The following POLR3F variants were observed in gnomAD, a reference collection of about 807,000 sequenced individuals.
POLR3F encodes the protein RNA polymerase III subunit F.
POLR3F carries 31 observed loss-of-function variants against 43.6 expected under a neutral mutation model. The observed-to-expected ratio is 0.71, with a 90% confidence interval of 0.53 to 0.96. The LOEUF (loss-of-function observed/expected upper bound fraction) is 0.96. POLR3F is among the 40% of genes least tolerant of loss of function. POLR3F has a pLI of 0.00. For missense variants in POLR3F, 316 were observed against 391.7 expected, an observed-to-expected ratio of 0.81 and a Z score of 1.63; for synonymous variants, 114 against 132.5, an observed-to-expected ratio of 0.86 and a Z score of 0.96.
rs751762877 is a variant in POLR3F at position 18,467,421 on chromosome 20, A to C, written c.-86A>C. ...GGCCCCTCGGCCTCAGCAGAGCGCT[A>C]TCCTCCACTGGTTCCCCGGGTTCCC... is the stretch of plus-strand genomic sequence containing the variant. On this transcript the variant is annotated 5_prime_UTR_variant, in exon 1 of 9. Transcript: ENST00000377603. The C allele has an allele frequency of 2.1e-6, 3 of 1,452,722 alleles. No homozygotes were observed. Among genetic ancestry groups the C allele is most frequent in the Non-Finnish European group, 2.9e-6 (3 of 1,034,434 alleles). 90.0% of individuals were successfully genotyped at this position (1,452,722 alleles called of 1,614,324 possible).
In POLR3F at chr20:18,484,469, C is replaced by T. The variant is rs2059827712; in HGVS notation, c.*911C>T. The T allele has an allele frequency of 4.5e-6, 1 of 223,982 alleles. No homozygotes were observed. Among genetic ancestry groups the T allele is most frequent in the Non-Finnish European group, 8.7e-6 (1 of 115,452 alleles). The allele number at this position is 223,982 out of a possible 1,614,324, so 13.9% of individuals were successfully genotyped here. A position where few individuals can be genotyped will look rare whatever the true frequency, so the allele number is the denominator to read the frequency against. On this transcript the variant is annotated 3_prime_UTR_variant, in exon 9 of 9. Coordinates refer to ENST00000377603, the MANE Select transcript of POLR3F (RefSeq NM_006466.4). ...CAGCGCTCATGAATGGGATTAGTGC[C>T]CTTATATAAAGAGACCCAGAGAGCT...
chr20:18,480,185 A>G lies in POLR3F; in HGVS notation c.573+4A>G. 4 of 1,608,462 alleles carry G rather than the reference A, an allele frequency of 2.5e-6. No homozygotes were observed. The highest frequency in any genetic ancestry group is 3.4e-6 in the Non-Finnish European group (4 of 1,176,480). On this transcript the variant is annotated splice_donor_region_variant and intron_variant, in intron 6 of 8. Coordinates refer to ENST00000377603, the MANE Select transcript of POLR3F (RefSeq NM_006466.4). ...TTTTAAATTCCTACAGTCCAAGGTG[A>G]GGTATGATTGAGGAAACATCACTGC...
chr20:18,483,212 C>A (rs1302284852), intron 8 of POLR3F, among the ~76,000 whole-genome samples: 1 of 152,062 alleles, frequency 6.6e-6, no homozygotes, highest in Non-Finnish European at 1.5e-5. Flanking sequence ...TTACAGGTGC[C>A]TGCCACCACG....
chr20:18,480,286 A>G, intron 6 of POLR3F, 105 bp downstream of exon 6: 1 of 1,335,738 alleles, frequency 7.5e-7, no homozygotes, highest in Non-Finnish European at 1.1e-6. Context: ...AAAACCTGAA[A>G]TTGGGAATTT....
intron 1 of POLR3F, among the ~76,000 whole-genome samples, chr20:18,468,219 G>A (rs1338049495): frequency 6.6e-6 from 1 of 152,188 alleles, no homozygotes; most frequent in Non-Finnish European, 1.5e-5. Context: ...TGGGACTACA[G>A]GCTCGCGCCA....
rs1336616541 is a variant in POLR3F, at chr20:18,480,449, T to C, written c.621T>C (p.Asn207=). 6.2e-7 allele frequency: 1 copy of C among 1,612,746 alleles called. No homozygotes were observed. Among genetic ancestry groups the C allele is most frequent in the South Asian group, 1.1e-5 (1 of 91,026 alleles). Residue 207 remains asparagine (N), a synonymous_variant, in exon 7 of 9, where the codon AAT becomes AAC. Coordinates refer to ENST00000377603, the MANE Select transcript of POLR3F (RefSeq NM_006466.4). ...AACAGAACCCAATGATACAAAGAAATAGTTCATTTGCCTCATCACATGAAG... is the reference window on the plus strand; with the variant it reads ...AACAGAACCCAATGATACAAAGAAACAGTTCATTTGCCTCATCACATGAAG... ...ESKQNPMIQR[N]SSFASSHEVW... is the part of the protein sequence containing the mutation.
At chr20:18,478,880 T>C (rs893670628) in intron 5 of POLR3F, among the ~76,000 whole-genome samples, 2 of 152,094 alleles carry the variant, frequency 1.3e-5, no homozygotes, top group Non-Finnish European at 2.9e-5. Flanking sequence ...GGGTGGTTCA[T>C]GCCTGTAATC....
chr20:18,476,893 G>A (rs556545274), intron 5 of POLR3F, among the ~76,000 whole-genome samples: 36 of 152,204 alleles, frequency 2.4e-4, no homozygotes, highest in African/African-American at 8.2e-4. Flanking sequence ...TCACCAACAT[G>A]GTGAAACCCT....
Position 18,480,138 on chromosome 20 carries a change from TAG to T in POLR3F, c.533_534del (p.Glu178GlyfsTer3), listed in dbSNP as rs1326445623. On this transcript the variant is annotated frameshift_variant, in exon 6 of 9. Coordinates refer to ENST00000377603, the MANE Select transcript of POLR3F (RefSeq NM_006466.4). LOFTEE classifies it high-confidence loss of function. ...GACCAGGATTTTGAATCTGAATTTG[TAG>T]AGGTGCTTAACCAACAGTGTTTTAA... The T allele has an allele frequency of 6.2e-7, 1 of 1,612,610 alleles. No homozygotes were observed. The highest frequency in any genetic ancestry group is 2.2e-5 in the East Asian group (1 of 44,878).
chr20:18,481,361 CCTCCCGAGTAGGTGGGATTA>C (rs2059808395), intron 7 of POLR3F, among the ~76,000 whole-genome samples: 1 of 151,968 alleles, frequency 6.6e-6, no homozygotes, highest in Admixed American at 6.6e-5. Flanking sequence ...CCTGCCTCAG[CCTCCCGAGTAGGTGGGATTA>C]CAAGTGCCTG....
At position 18,474,834 on chromosome 20, in the gene POLR3F, T is replaced by G. The variant is rs149377662; in HGVS notation, c.317-241T>G. Among the ~76,000 whole-genome samples, 335 of 152,296 alleles carry G rather than the reference T, an allele frequency of 2.2e-3. 5 individuals carry two copies. The South Asian group carries it at 0.035, about 16-fold the overall frequency. Reference sequence around the variant, plus strand: ...ACCATGCCCAGCCCTTTCCATAAGTTTTTTAAAAGTTTGCCACACTGGGAT... The same window carrying G: ...ACCATGCCCAGCCCTTTCCATAAGTGTTTTAAAAGTTTGCCACACTGGGAT... On this transcript the variant is annotated intron_variant, in intron 4 of 8. Coordinates refer to ENST00000377603, the MANE Select transcript of POLR3F (RefSeq NM_006466.4).
chr20:18,476,244 A>G (rs1038224187), intron 5 of POLR3F, among the ~76,000 whole-genome samples: 5 of 152,130 alleles, frequency 3.3e-5, no homozygotes, highest in Non-Finnish European at 7.3e-5. Flanking sequence ...GGCCACTAGT[A>G]TTTGTTTCCC....
At chr20:18,483,222 G>A (rs572549500) in intron 8 of POLR3F, among the ~76,000 whole-genome samples, 5 of 152,064 alleles carry the variant, frequency 3.3e-5, no homozygotes, top group African/African-American at 4.8e-5. Context: ...CTGCCACCAC[G>A]CTCAGCTAAT....
chr20:18,476,263 T>C (rs1460594926), intron 5 of POLR3F, among the ~76,000 whole-genome samples: 1 of 152,194 alleles, frequency 6.6e-6, no homozygotes, highest in African/African-American at 2.4e-5. Flanking sequence ...CCAGCCTCTC[T>C]TTCCATAGGC....
intron 5 of POLR3F, among the ~76,000 whole-genome samples, chr20:18,475,831 G>C (rs2424210): frequency 1.3e-5 from 2 of 152,232 alleles, no homozygotes; most frequent in African/African-American, 4.8e-5. Flanking sequence ...TCAAATATCC[G>C]CTTACATATG....
At position 18,480,042 on chromosome 20, in the gene POLR3F, CA is replaced by C. The variant is rs1006345873; in HGVS notation, c.440del (p.Lys147ArgfsTer15). 30 of 1,598,324 alleles carry C rather than the reference CA, an allele frequency of 1.9e-5. No individual in the cohort carries two copies. The highest frequency in any genetic ancestry group is 2.6e-5 in the Non-Finnish European group (30 of 1,175,248). Reference protein sequence around the residue: ...LIKAVKSVAASKKKVYMLYNL... With the variant: ...LIKAVKSVAAXKKKVYMLYNL... Reference sequence around the variant, plus strand: ...ACTGTGCATGTTCTTTCCTAGGCCTCAAAAAAGAAGGTGTATATGCTCTATA... The same window carrying C: ...ACTGTGCATGTTCTTTCCTAGGCCTCAAAAAGAAGGTGTATATGCTCTATA... On this transcript the variant is annotated frameshift_variant, in exon 6 of 9. Coordinates refer to ENST00000377603, the MANE Select transcript of POLR3F (RefSeq NM_006466.4). LOFTEE classifies it high-confidence loss of function.
chr20:18,480,390 C>A lies in POLR3F; in HGVS notation c.574-12C>A. The A allele has an allele frequency of 6.4e-7, 1 of 1,562,616 alleles. No individual in the cohort carries two copies. Among genetic ancestry groups the A allele is most frequent in the Non-Finnish European group, 8.8e-7 (1 of 1,133,874 alleles). The stretch of plus-strand genomic sequence containing the variant: ...ATTCTTATTTACATTTCTTATGTTT[C>A]AATCCTTATAGGCAGAAACAGCACG... On this transcript the variant is annotated splice_polypyrimidine_tract_variant and intron_variant, in intron 6 of 8. Transcript: ENST00000377603.
chr20:18,475,190 G>A lies in POLR3F; in HGVS notation c.429+3G>A, dbSNP rs1345228530. 2 of 1,126,424 alleles carry A rather than the reference G, an allele frequency of 1.8e-6. No individual in the cohort carries two copies. Among genetic ancestry groups the A allele is most frequent in the East Asian group, 2.4e-5 (1 of 42,332 alleles). 69.8% of individuals were successfully genotyped at this position (1,126,424 alleles called of 1,614,324 possible). ...TCAAAGCTGTTAAGTCTGTAGCAGTGAGTAGTCCTTTCCTCAGATACCCAC... is the reference window on the plus strand; with the variant it reads ...TCAAAGCTGTTAAGTCTGTAGCAGTAAGTAGTCCTTTCCTCAGATACCCAC... On this transcript the variant is annotated splice_donor_region_variant and intron_variant, in intron 5 of 8. Coordinates refer to ENST00000377603, the MANE Select transcript of POLR3F (RefSeq NM_006466.4).
intron 5 of POLR3F, among the ~76,000 whole-genome samples, chr20:18,475,713 C>A (rs1050767533): frequency 1.3e-5 from 2 of 152,098 alleles, no homozygotes; most frequent in African/African-American, 4.8e-5. Flanking sequence ...AACTGAGATT[C>A]CCCTAGAATA....
Sources: gnomAD v4.1 joint callset for allele counts (sites outside exome capture counted in the v4.1 genomes callset) on GRCh38, gnomAD v4.1.1 for gene constraint, MANE v1.5 for transcripts, NCBI Gene and HGNC (gene_info 2026-07-23, HGNC 2026-07-21) for gene names.